Variants in KRT35 observed in about 807,000 individuals in gnomAD.
KRT35 encodes the protein keratin 35.
KRT35 carries 33 observed loss-of-function variants against 42.2 expected under a neutral mutation model. That is an observed-to-expected ratio of 0.78 (90% CI 0.59 to 1.05). KRT35 has a LOEUF of 1.05. KRT35 is among the 50% of genes least tolerant of loss of function. KRT35 has a pLI of 0.00. For missense variants in KRT35, 585 were observed against 589.2 expected (o/e 0.99, Z 0.07); for synonymous variants, 218 against 238.2 (o/e 0.92, Z 0.78).
chr17:41,477,653 A>T lies in KRT35; in HGVS notation c.1085T>A (p.Val362Glu), dbSNP rs769470764. 1.9e-6 allele frequency: 3 copies of T among 1,614,154 alleles called. No homozygotes were observed. Among genetic ancestry groups the T allele is most frequent in the Non-Finnish European group, 2.5e-6 (3 of 1,180,038 alleles). ...LAQMQCMITNVEAQLAEIRAD... is the reference protein window; with the variant it reads ...LAQMQCMITNEEAQLAEIRAD... ...CCGGATCTCGGCCAGCTGGGCCTCC[A>T]CGTTGGTGATCATGCACTGCATCTG... The change falls in exon 6 of 7, where the codon GTG becomes GAG. Residue 362 changes from valine (V) to glutamate (E), a missense_variant. Val to Glu is a moderately radical substitution (Grantham distance 121). Transcript: ENST00000246639.
intron 5 of KRT35, 78 bp from the exon 6 acceptor site, chr17:41,477,816 C>G: frequency 1.3e-6 from 2 of 1,497,450 alleles, no homozygotes; most frequent in Non-Finnish European, 1.8e-6. Flanking sequence ...TTCCTTGGAG[C>G]TATAGCGGGC....
chr17:41,478,526 G>C (rs2019212021), intron 4 of KRT35, 40 bp from the exon 5 acceptor site: 1 of 1,602,480 alleles, frequency 6.2e-7, no homozygotes, highest in Non-Finnish European at 8.5e-7. Context: ...GCCACACCAG[G>C]GACTTGGCTT....
At chr17:41,480,506 A>G in intron 1 of KRT35, 121 bp downstream of exon 1, 1 of 738,814 alleles carries the variant, frequency 1.4e-6, no homozygotes, top group South Asian at 1.7e-5. Context: ...GGGAGGAGCA[A>G]ATGAGGCCAC....
chr17:41,477,424 C>T lies in KRT35; in HGVS notation c.1220+94G>A. On this transcript the variant is annotated intron_variant, in intron 6 of 6. Transcript: ENST00000246639. The stretch of plus-strand genomic sequence containing the variant: ...AGAACTAAGAGAACAGAACTCCAGA[C>T]TCCGAATGCCAGGCTCTTTCTAGGC... 6.5e-6 allele frequency: 10 copies of T among 1,529,098 alleles called. No homozygotes were observed. The South Asian group carries it at 1.2e-4, about 19-fold the overall frequency. The allele number at this position is 1,529,098 out of a possible 1,614,324, so 94.7% of individuals were successfully genotyped here.
chr17:41,479,031 A>G, intron 3 of KRT35, 36 bp from the exon 4 acceptor site: 1 of 1,580,286 alleles, frequency 6.3e-7, no homozygotes, highest in Non-Finnish European at 8.6e-7. Flanking sequence ...TAATTCCCAG[A>G]GGGCTGCCTC....
At position 41,480,826 on chromosome 17, in the gene KRT35, C is replaced by T. The variant is rs752589926; in HGVS notation, c.272G>A (p.Gly91Asp). ...CTCCTTCTCATTGCCAGTGAGGATG[C>T]CCTCCCCAAACCAGCCCCCACCCCC... is the stretch of plus-strand genomic sequence containing the variant. ...YSGGGGWFGE[G>D]ILTGNEKETM... The change falls in exon 1 of 7, where the codon GGC becomes GAC. Residue 91 changes from glycine (G) to aspartate (D), a missense_variant. By Grantham distance (94) the Gly-to-Asp change is moderately conservative. Transcript: ENST00000246639. 2.5e-6 allele frequency: 4 copies of T among 1,614,128 alleles called. No individual in the cohort carries two copies. The highest frequency in any genetic ancestry group is 1.1e-5 in the South Asian group (1 of 91,084).
At chr17:41,479,128 A>C (rs1219821313) in intron 3 of KRT35, 133 bp from the exon 4 acceptor site, 9 of 978,394 alleles carry the variant, frequency 9.2e-6, no homozygotes, top group African/African-American at 7.9e-5. Context: ...TCTGCTCCCC[A>C]TGCCCACCTC....
In KRT35 at chr17:41,478,465, C is replaced by T. The variant is rs1458167382; in HGVS notation, c.895G>A (p.Val299Met). 1 of 1,613,930 alleles carries T rather than the reference C, an allele frequency of 6.2e-7. No homozygotes were observed. Among genetic ancestry groups the T allele is most frequent in the African/African-American group, 1.3e-5 (1 of 74,912 alleles). The stretch of plus-strand genomic sequence containing the variant: ...TGCAACTGCTCTGAGCTGGACACCA[C>T]CTGCTGGTTCAGCTCCTCACTCTGA... ...DTQSEELNQQ[V>M]VSSSEQLQSC... Residue 299 changes from valine to methionine, a missense_variant, in exon 5 of 7, where the codon GTG becomes ATG. Val to Met is a conservative substitution (Grantham distance 21). Transcript: ENST00000246639.
intron 5 of KRT35, among the ~76,000 whole-genome samples, chr17:41,478,024 G>T (rs1236593947): frequency 6.6e-6 from 1 of 152,258 alleles, no homozygotes; most frequent in African/African-American, 2.4e-5. Context: ...CACTTGAGAT[G>T]AGCTAATTAG....
chr17:41,479,086 C>T, intron 3 of KRT35, 91 bp from the exon 4 acceptor site: 1 of 1,332,034 alleles, frequency 7.5e-7, no homozygotes, highest in Non-Finnish European at 1.0e-6. Flanking sequence ...CCATGCTCAC[C>T]CCTCCTAATG....
Position 41,479,610 on chromosome 17 carries a change from T to A in KRT35, c.554+89A>T. On this transcript the variant is annotated intron_variant, in intron 2 of 6. Coordinates refer to ENST00000246639, the MANE Select transcript of KRT35 (RefSeq NM_002280.6). ...TGTGAGTCCTGCTTTTATGCCCCAA[T>A]GACAGAGTACAGCCAAAACCCTGAG... 3.8e-6 allele frequency: 6 copies of A among 1,566,218 alleles called. No homozygotes were observed. The South Asian group carries it at 4.6e-5, about 12-fold the overall frequency.
chr17:41,477,626 G>C lies in KRT35; in HGVS notation c.1112C>G (p.Ala371Gly). The change falls in exon 6 of 7, where the codon GCT becomes GGT. Residue 371 changes from alanine (A) to glycine (G), a missense_variant. Transcript: ENST00000246639. ...NVEAQLAEIR[A>G]DLERQNQEYQ... Reference sequence around the variant, plus strand: ...CTCCTGGTTCTGCCGCTCCAGGTCAGCCCGGATCTCGGCCAGCTGGGCCTC... The same window carrying C: ...CTCCTGGTTCTGCCGCTCCAGGTCACCCCGGATCTCGGCCAGCTGGGCCTC... The C allele has an allele frequency of 1.2e-6, 2 of 1,614,266 alleles. No homozygotes were observed. The highest frequency in any genetic ancestry group is 1.1e-5 in the South Asian group (1 of 91,090).
chr17:41,480,498 G>A, intron 1 of KRT35, 129 bp downstream of exon 1: 2 of 700,234 alleles, frequency 2.9e-6, no homozygotes, highest in Non-Finnish European at 4.8e-6. Context: ...AGGTTATTGG[G>A]AGGAGCAAAT....
Position 41,477,583 on chromosome 17 carries a change from G to C in KRT35, c.1155C>G (p.Asp385Glu). 1 of 1,613,664 alleles carries C rather than the reference G, an allele frequency of 6.2e-7. No homozygotes were observed. The highest frequency in any genetic ancestry group is 8.5e-7 in the Non-Finnish European group (1 of 1,179,884). Residue 385 changes from aspartate (D) to glutamate (E), a missense_variant, in exon 6 of 7, where the codon GAC becomes GAG. Physicochemically the swap from Asp to Glu is conservative, Grantham distance 45. Coordinates refer to ENST00000246639, the MANE Select transcript of KRT35 (RefSeq NM_002280.6). ...TCTCACACTCCAGCCGGGCCCGGAC[G>C]TCCAGCAGCACCTGGTACTCCTGGT... is the stretch of plus-strand genomic sequence containing the variant. ...RQNQEYQVLL[D>E]VRARLECEIN...
intron 1 of KRT35, 150 bp downstream of exon 1, chr17:41,480,477 C>T: frequency 1.5e-6 from 1 of 647,166 alleles, no homozygotes; most frequent in Non-Finnish European, 2.7e-6. Context: ...GCTAATGATA[C>T]CTCCCTCTTA....
At chr17:41,480,273 C>G (rs1362066575) in intron 1 of KRT35, among the ~76,000 whole-genome samples, 1 of 152,134 alleles carries the variant, frequency 6.6e-6, no homozygotes. Flanking sequence ...CTGCACTGCA[C>G]TAAATACATC....
rs1020789534 is a variant in KRT35 at position 41,479,396 on chromosome 17, A to C, written c.662T>G (p.Val221Gly). The change falls in exon 3 of 7, where the codon GTG becomes GGG. Residue 221 changes from valine to glycine, a missense_variant. Val to Gly is a moderately radical substitution (Grantham distance 109, BLOSUM62 -3). Transcript: ENST00000246639. ...TLCKSDLEAQ[V>G]ESLKEELLCL... is the part of the protein sequence containing the mutation. ...GAGCAGCTCCTCCTTCAGGGACTCC[A>C]CCTGGGCCTCCAGGTCAGACTTGCA... 1.2e-6 allele frequency: 2 copies of C among 1,613,428 alleles called. No homozygotes were observed. The highest frequency in any genetic ancestry group is 1.7e-6 in the Non-Finnish European group (2 of 1,179,866).
In KRT35 at chr17:41,476,961, C is replaced by T. The variant is rs530471347; in HGVS notation, c.*95G>A. The stretch of plus-strand genomic sequence containing the variant: ...CCAGACCCTGGGCCTGGGCTCTGCG[C>T]GAAGAGAGGGGATTGGGCTACAAGG... On this transcript the variant is annotated 3_prime_UTR_variant, in exon 7 of 7. Transcript: ENST00000246639. The T allele has an allele frequency of 3.6e-5, 46 of 1,264,224 alleles. No individual in the cohort carries two copies. Among genetic ancestry groups the T allele is most frequent in the Middle Eastern group, 2.9e-4 (1 of 3,466 alleles). 78.3% of individuals were successfully genotyped at this position (1,264,224 alleles called of 1,614,324 possible). A position where few individuals can be genotyped will look rare whatever the true frequency, so the allele number is the denominator to read the frequency against.
At position 41,480,815 on chromosome 17, in the gene KRT35, C is replaced by T. The variant is rs921444698; in HGVS notation, c.283G>A (p.Gly95Ser). The T allele has an allele frequency of 1.9e-6, 3 of 1,614,078 alleles. No individual in the cohort carries two copies. The highest frequency in any genetic ancestry group is 1.3e-5 in the African/African-American group (1 of 74,924). The change falls in exon 1 of 7, where the codon GGC becomes AGC. Residue 95 changes from glycine to serine, a missense_variant. Gly to Ser is a moderately conservative substitution (Grantham distance 56, BLOSUM62 0). Transcript: ENST00000246639. ...GATTGCATGGTCTCCTTCTCATTGC[C>T]AGTGAGGATGCCCTCCCCAAACCAG... Reference protein sequence around the residue: ...GGWFGEGILTGNEKETMQSLN... With the variant: ...GGWFGEGILTSNEKETMQSLN...
Sources: gnomAD v4.1 joint callset for allele counts (sites outside exome capture counted in the v4.1 genomes callset) on GRCh38, gnomAD v4.1.1 for gene constraint, MANE v1.5 for transcripts, NCBI Gene and HGNC (gene_info 2026-07-23, HGNC 2026-07-21) for gene names.